Variants in CFAP44 observed in about 807,000 individuals in gnomAD.
The protein encoded by CFAP44 is cilia- and flagella-associated protein 44.
In CFAP44, 134 loss-of-function variants were observed where a neutral mutation model predicts 216.2. The ratio of observed to expected loss-of-function variants is 0.62; its 90% CI spans 0.54 to 0.72. The LOEUF (loss-of-function observed/expected upper bound fraction) is 0.72. Among genes scored for constraint, CFAP44 ranks in the 30% least tolerant of loss-of-function variants. The pLI, the probability that CFAP44 is intolerant of heterozygous loss-of-function variation, is 0.00. For synonymous variants in CFAP44, 700 were observed against 727.6 expected (o/e 0.96, Z 0.61); for missense variants, 2,035 against 2,182.1 (o/e 0.93, Z 1.34).
At chr3:113,382,476 G>C (rs1258627287) in intron 15 of CFAP44, among the ~76,000 whole-genome samples, 1 of 152,158 alleles carries the variant, frequency 6.6e-6, no homozygotes, top group African/African-American at 2.4e-5. Flanking sequence ...CAATCCTTCT[G>C]AGAAAGTTGG....
intron 32 of CFAP44, among the ~76,000 whole-genome samples, chr3:113,301,930 C>A (rs1949939345): frequency 6.6e-6 from 1 of 152,090 alleles, no homozygotes; most frequent in African/African-American, 2.4e-5. Context: ...CAAACTGTAC[C>A]CCAGCCCACA....
chr3:113,321,862 A>G (rs528912823), intron 28 of CFAP44, among the ~76,000 whole-genome samples: 35 of 152,370 alleles, frequency 2.3e-4, no homozygotes, highest in Non-Finnish European at 4.9e-4. Flanking sequence ...GAGAGAAATC[A>G]GAGATGACAA....
Position 113,420,095 on chromosome 3 carries a change from T to G in CFAP44, c.492A>C (p.Gln164His), listed in dbSNP as rs760983812. ...DSIAIYIAGN[Q>H]LIFLNLKTKE... ...TGGTTTTCAAATTCAGAAAGATCAG[T>G]TGGTTCCCAGCTATGTATATGGCGA... Residue 164 changes from glutamine (Q) to histidine (H), a missense_variant, in exon 5 of 35, where the codon CAA (glutamine) becomes CAC (histidine). Transcript: ENST00000393845. 2.5e-6 allele frequency: 4 copies of G among 1,613,936 alleles called. No individual in the cohort carries two copies. The Admixed American group carries it at 5.0e-5, about 20-fold the overall frequency.
chr3:113,360,079 C>T (rs1409951641), intron 21 of CFAP44, among the ~76,000 whole-genome samples: 1 of 130,466 alleles, frequency 7.7e-6, no homozygotes, highest in African/African-American at 2.8e-5. Flanking sequence ...ATCTTGTTAC[C>T]AAAAAAAAAA....
chr3:113,370,134 C>T (rs372241597), intron 18 of CFAP44, among the ~76,000 whole-genome samples: 8 of 152,212 alleles, frequency 5.3e-5, no homozygotes, highest in Admixed American at 1.3e-4. Context: ...GATTCAAAGC[C>T]GAATTCTATC....
At chr3:113,426,032 G>A (rs1934950324) in intron 4 of CFAP44, 92 bp downstream of exon 4, 1 of 1,445,944 alleles carries the variant, frequency 6.9e-7, no homozygotes, top group African/African-American at 1.4e-5. Flanking sequence ...CAGGTGGGAA[G>A]GCACATTTGG....
intron 1 of CFAP44, among the ~76,000 whole-genome samples, chr3:113,437,359 A>G (rs1479520359): frequency 2.0e-5 from 3 of 152,228 alleles, no homozygotes; most frequent in East Asian, 3.8e-4. Context: ...CCCATAATTT[A>G]TTCACAAGAT....
chr3:113,364,048 C>A (rs1950566341), intron 19 of CFAP44, among the ~76,000 whole-genome samples: 1 of 152,050 alleles, frequency 6.6e-6, no homozygotes, highest in African/African-American at 2.4e-5. Flanking sequence ...AATATAATCC[C>A]CCTCCTTGAA....
chr3:113,332,610 G>A (rs1950249726), intron 25 of CFAP44, among the ~76,000 whole-genome samples: 1 of 152,094 alleles, frequency 6.6e-6, no homozygotes, highest in Non-Finnish European at 1.5e-5. Context: ...AAGCCTTTAA[G>A]TATAAAAAGT....
chr3:113,305,581 A>T (rs1057056804), intron 30 of CFAP44, among the ~76,000 whole-genome samples: 2 of 152,204 alleles, frequency 1.3e-5, no homozygotes, highest in Non-Finnish European at 2.9e-5. Context: ...CACATTCTCC[A>T]TGTCCTAGAA....
chr3:113,332,748 G>T (rs967789263), intron 25 of CFAP44, among the ~76,000 whole-genome samples: 1 of 152,160 alleles, frequency 6.6e-6, no homozygotes, highest in Non-Finnish European at 1.5e-5. Context: ...AAAGAACAAA[G>T]AAATATATTA....
chr3:113,414,602 C>A (rs957287608), intron 6 of CFAP44, among the ~76,000 whole-genome samples: 2 of 152,142 alleles, frequency 1.3e-5, no homozygotes, highest in Non-Finnish European at 2.9e-5. Context: ...GCCTTTTCTG[C>A]ATCTATTGAG....
chr3:113,371,832 A>G (rs1933176757), intron 18 of CFAP44, among the ~76,000 whole-genome samples: 1 of 152,248 alleles, frequency 6.6e-6, no homozygotes, highest in African/African-American at 2.4e-5. Context: ...TACCCATCTG[A>G]CAAAGGGCTA....
chr3:113,319,533 C>A (rs2107802981), intron 28 of CFAP44, among the ~76,000 whole-genome samples: 1 of 152,214 alleles, frequency 6.6e-6, no homozygotes, highest in Non-Finnish European at 1.5e-5. Context: ...CTCATCAAGG[C>A]AGAAAACTAA....
chr3:113,327,609 C>T lies in CFAP44; in HGVS notation c.4320+7G>A. On this transcript the variant is annotated splice_region_variant and intron_variant, in intron 27 of 34. Coordinates refer to ENST00000393845, the MANE Select transcript of CFAP44 (RefSeq NM_001164496.2). ...CAGCCAGCTAGGATTCTTCTGCCCA[C>T]TCATACTTGCATGTACTGTTCCTCT... 2.6e-6 allele frequency: 4 copies of T among 1,533,166 alleles called. No homozygotes were observed. The highest frequency in any genetic ancestry group is 3.5e-6 in the Non-Finnish European group (4 of 1,144,144). 95.0% of individuals were successfully genotyped at this position (1,533,166 alleles called of 1,614,324 possible).
intron 23 of CFAP44, 48 bp downstream of exon 23, chr3:113,344,468 T>C (rs1231827841): frequency 6.8e-7 from 1 of 1,478,742 alleles, no homozygotes; most frequent in African/African-American, 1.4e-5. Flanking sequence ...AATTCACTTT[T>C]GAAGTCTTAG....
At chr3:113,330,828 A>C (rs1390629078) in intron 25 of CFAP44, among the ~76,000 whole-genome samples, 160 bp from the exon 26 acceptor site, 2 of 152,040 alleles carry the variant, frequency 1.3e-5, no homozygotes, top group Non-Finnish European at 2.9e-5. Context: ...CTTTTCTTTA[A>C]TATTGAGGAT....
In CFAP44 at chr3:113,420,184, G is replaced by A. The variant is rs777136412; in HGVS notation, c.408-5C>T. On this transcript the variant is annotated splice_polypyrimidine_tract_variant and splice_region_variant and intron_variant, in intron 4 of 34. Transcript: ENST00000393845. ...CAGTCATAACCAAAAGAATGTCTGA[G>A]GGAAAGTTGCTAAGGAAAAGAAGTG... is the stretch of plus-strand genomic sequence containing the variant. The A allele has an allele frequency of 2.1e-5, 33 of 1,604,774 alleles. No individual in the cohort carries two copies. Among genetic ancestry groups the A allele is most frequent in the Middle Eastern group, 1.7e-4 (1 of 5,958 alleles).
In CFAP44 at chr3:113,401,580, A is replaced by G; in HGVS notation, c.1326+4T>C. 6.2e-7 allele frequency: 1 copy of G among 1,612,680 alleles called. No homozygotes were observed. Among genetic ancestry groups the G allele is most frequent in the Non-Finnish European group, 8.5e-7 (1 of 1,179,516 alleles). Reference sequence around the variant, plus strand: ...AAGAGCCAAGAGACAAGAATGCAACACACCTGAGCCAACCAAAAGTTATTT... The same window carrying G: ...AAGAGCCAAGAGACAAGAATGCAACGCACCTGAGCCAACCAAAAGTTATTT... On this transcript the variant is annotated splice_donor_region_variant and intron_variant, in intron 10 of 34. Transcript: ENST00000393845.
Sources: allele counts gnomAD v4.1 joint callset (sites outside exome capture counted in the v4.1 genomes callset), GRCh38; gene constraint gnomAD v4.1.1; transcripts MANE v1.5; gene names NCBI Gene and HGNC (gene_info 2026-07-23, HGNC 2026-07-21).